Variants in TGFB2 observed in about 807,000 individuals in gnomAD.
TGFB2 encodes transforming growth factor beta-2 proprotein.
Under a neutral mutation model 42.7 loss-of-function variants are expected in TGFB2, and 13 were observed. The ratio of observed to expected loss-of-function variants is 0.30; its 90% CI spans 0.20 to 0.48. The LOEUF (loss-of-function observed/expected upper bound fraction) is 0.48. Ranked by LOEUF, TGFB2 falls within the 20% of genes least tolerant of loss-of-function variation. TGFB2 has a pLI of 0.99. For missense variants in TGFB2, 390 were observed against 517.5 expected, an observed-to-expected ratio of 0.75 and a Z score of 2.39; for synonymous variants, 193 against 193.6, an observed-to-expected ratio of 1.00 and a Z score of 0.03.
chr1:218,429,584 C>T (rs1019764873), intron 2 of TGFB2, among the ~76,000 whole-genome samples: 1 of 152,134 alleles, frequency 6.6e-6, no homozygotes, highest in Non-Finnish European at 1.5e-5. Flanking sequence ...TGAGTGCCAG[C>T]TTTCAGTTCT....
chr1:218,405,255 G>A lies in TGFB2; in HGVS notation c.433G>A (p.Val145Met), dbSNP rs1439580016. 1.2e-6 allele frequency: 2 copies of A among 1,613,974 alleles called. No individual in the cohort carries two copies. The highest frequency in any genetic ancestry group is 1.7e-6 in the Non-Finnish European group (2 of 1,179,972). The stretch of plus-strand genomic sequence containing the variant: ...AATGGAGAAGAATGCTTCCAATTTG[G>A]TGAAAGCAGAGTTCAGAGTCTTTCG... ...SAMEKNASNL[V>M]KAEFRVFRLQ... The change falls in exon 2 of 7, where the codon GTG becomes ATG. Residue 145 changes from valine to methionine, a missense_variant. Transcript: ENST00000366930.
chr1:218,419,999 TAGTACA>T (rs1659401511), intron 2 of TGFB2, among the ~76,000 whole-genome samples: 1 of 152,194 alleles, frequency 6.6e-6, no homozygotes, highest in Non-Finnish European at 1.5e-5. Context: ...ACTTAAATTA[TAGTACA>T]GGCCACATAT....
At chr1:218,439,136 GGTCTAGATCATGTA>G (rs1449328170) in intron 6 of TGFB2, among the ~76,000 whole-genome samples, 1 of 151,216 alleles carries the variant, frequency 6.6e-6, no homozygotes, top group Non-Finnish European at 1.5e-5. Context: ...AAGAAATTGG[GGTCTAGATCATGTA>G]GTCTAGATGA....
At chr1:218,358,010 C>G (rs754502713) in intron 1 of TGFB2, among the ~76,000 whole-genome samples, 15 of 152,166 alleles carry the variant, frequency 9.9e-5, no homozygotes, top group Non-Finnish European at 2.2e-4. Flanking sequence ...CTTATCTAAC[C>G]CACACGACAC....
intron 2 of TGFB2, among the ~76,000 whole-genome samples, chr1:218,430,575 A>G (rs567917060): frequency 7.2e-4 from 109 of 152,302 alleles, no homozygotes; most frequent in Non-Finnish European, 1.3e-3. Context: ...CACTTCCTGT[A>G]TAAACTTTTG....
At chr1:218,429,638 A>G (rs1353879186) in intron 2 of TGFB2, among the ~76,000 whole-genome samples, 2 of 152,178 alleles carry the variant, frequency 1.3e-5, no homozygotes, top group African/African-American at 4.8e-5. Context: ...ATCATGGGGT[A>G]ATTCAATGTT....
intron 1 of TGFB2, among the ~76,000 whole-genome samples, chr1:218,382,245 T>C (rs1359589387): frequency 1.3e-5 from 2 of 152,162 alleles, no homozygotes; most frequent in East Asian, 3.9e-4. Flanking sequence ...AGAAAAAATA[T>C]CTTGCCCAGA....
At chr1:218,381,855 G>A (rs368649031) in intron 1 of TGFB2, among the ~76,000 whole-genome samples, 1 of 152,156 alleles carries the variant, frequency 6.6e-6, no homozygotes, top group African/African-American at 2.4e-5. Context: ...GTGTGCACAC[G>A]CGCGTGCCTA....
rs762017464 is a variant in TGFB2, at chr1:218,442,016, C to T, written c.*654C>T. On this transcript the variant is annotated 3_prime_UTR_variant, in exon 7 of 7. Coordinates refer to ENST00000366930, the MANE Select transcript of TGFB2 (RefSeq NM_003238.6). ...AAACCCAAGTGAGTTATTATATGAC[C>T]GAGAAAGTCTGCATTAAGATAAAGA... is the stretch of plus-strand genomic sequence containing the variant. The T allele has an allele frequency of 1.3e-5, 2 of 151,960 alleles. No homozygotes were observed. The highest frequency in any genetic ancestry group is 2.9e-5 in the Non-Finnish European group (2 of 67,982). The allele number at this position is 151,960 out of a possible 1,614,324, so 9.4% of individuals were successfully genotyped here. A position where few individuals can be genotyped will look rare whatever the true frequency, so the allele number is the denominator to read the frequency against.
chr1:218,429,005 G>A (rs1659719727), intron 2 of TGFB2, among the ~76,000 whole-genome samples: 1 of 119,874 alleles, frequency 8.3e-6, no homozygotes, highest in Admixed American at 1.1e-4. Context: ...TTCTGAGACA[G>A]AGTCTTGCTC....
intron 2 of TGFB2, among the ~76,000 whole-genome samples, chr1:218,430,039 C>T (rs1465921082): frequency 1.3e-5 from 2 of 152,046 alleles, no homozygotes; most frequent in African/African-American, 4.8e-5. Flanking sequence ...ATGGAGAATG[C>T]TGGTTACTCT....
chr1:218,412,186 G>C (rs1350017486), intron 2 of TGFB2, among the ~76,000 whole-genome samples: 7 of 152,158 alleles, frequency 4.6e-5, no homozygotes, highest in African/African-American at 1.7e-4. Flanking sequence ...GTACATATAA[G>C]TGATATCTGT....
intron 2 of TGFB2, among the ~76,000 whole-genome samples, chr1:218,427,625 G>A (rs1305912672): frequency 2.6e-5 from 4 of 152,090 alleles, no homozygotes; most frequent in African/African-American, 9.7e-5. Context: ...GAGAATGATG[G>A]TTTCTAGCTT....
intron 1 of TGFB2, among the ~76,000 whole-genome samples, chr1:218,369,522 G>T (rs1281108276): frequency 6.6e-6 from 1 of 152,080 alleles, no homozygotes. Flanking sequence ...CTTAGTTATT[G>T]GCAACTCACC....
At position 218,362,267 on chromosome 1, in the gene TGFB2, T is replaced by G. The variant is rs10482733; in HGVS notation, c.346+15220T>G. Among the ~76,000 whole-genome samples, 32 of 152,322 alleles carry G rather than the reference T, an allele frequency of 2.1e-4. No individual in the cohort carries two copies. The South Asian group carries it at 6.4e-3, about 31-fold the overall frequency. ...GTGGCAGTGTTACTTCTAGAAGACGTGCTCTATAAACATGGAAGGTGCATG... is the reference window on the plus strand; with the variant it reads ...GTGGCAGTGTTACTTCTAGAAGACGGGCTCTATAAACATGGAAGGTGCATG... On this transcript the variant is annotated intron_variant, in intron 1 of 6. Transcript: ENST00000366930.
intron 1 of TGFB2, among the ~76,000 whole-genome samples, chr1:218,394,934 G>T (rs895236726): frequency 6.6e-6 from 1 of 152,034 alleles, no homozygotes; most frequent in African/African-American, 2.4e-5. Context: ...CCACTCGGTG[G>T]GTTGCTTGTC....
At chr1:218,427,287 C>T (rs1335706438) in intron 2 of TGFB2, among the ~76,000 whole-genome samples, 2 of 151,938 alleles carry the variant, frequency 1.3e-5, no homozygotes, top group African/African-American at 4.8e-5. Flanking sequence ...CCTTCTACAC[C>T]CCTACTAACC....
At chr1:218,415,694 CAAAAGAAAAAAA>C (rs1489874137) in intron 2 of TGFB2, among the ~76,000 whole-genome samples, 6 of 40,152 alleles carry the variant, frequency 1.5e-4, no homozygotes, top group Middle Eastern at 0.013. Flanking sequence ...GACTCTGTCT[CAAAAGAAAAAAA>C]AAAAAAAAAA....
chr1:218,391,922 T>C (rs891369945), intron 1 of TGFB2, among the ~76,000 whole-genome samples: 18 of 152,170 alleles, frequency 1.2e-4, no homozygotes, highest in African/African-American at 3.6e-4. Context: ...ATGGTTCAGG[T>C]TTAAGATTGG....
Sources: gnomAD v4.1 joint callset for allele counts (sites outside exome capture counted in the v4.1 genomes callset) on GRCh38, gnomAD v4.1.1 for gene constraint, MANE v1.5 for transcripts, NCBI Gene and HGNC (gene_info 2026-07-23, HGNC 2026-07-21) for gene names.